The following CCNB3 variants were observed in gnomAD, a reference collection of about 807,000 sequenced individuals.
CCNB3 encodes the protein cyclin B3, also known as G2/mitotic-specific cyclin-B3.
CCNB3 carries 12 observed loss-of-function variants against 68.0 expected under a neutral mutation model. The ratio of observed to expected loss-of-function variants is 0.18; its 90% CI spans 0.11 to 0.29. CCNB3 has a LOEUF of 0.29. Ranked by LOEUF, CCNB3 falls within the 10% of genes least tolerant of loss-of-function variation. CCNB3 has a pLI of 1.00. For synonymous variants in CCNB3, 354 were observed against 388.9 expected, an observed-to-expected ratio of 0.91 and a Z score of 1.06; for missense variants, 904 against 993.1, an observed-to-expected ratio of 0.91 and a Z score of 1.21.
Position 50,310,795 on chromosome X carries a change from C to G in CCNB3, c.2626C>G (p.Arg876Gly). 8.3e-7 allele frequency: 1 copy of G among 1,210,524 alleles called. No individual in the cohort carries two copies. The highest frequency in any genetic ancestry group is 1.1e-6 in the Non-Finnish European group (1 of 895,104). ...PSIEQEALFK[R>G]HSALWEKPST... ...CATTGAGCAGGAGGCCCTCTTTAAG[C>G]GACACTCAGCTTTGTGGGAGAAGCC... The change falls in exon 6 of 13, where the codon CGA becomes GGA. Residue 876 changes from arginine (R) to glycine (G), a missense_variant. Coordinates refer to ENST00000376042, the MANE Select transcript of CCNB3 (RefSeq NM_033031.3).
intron 8 of CCNB3, among the ~76,000 whole-genome samples, chrX:50,339,384 G>A (rs1923011918): frequency 8.9e-6 from 1 of 112,499 alleles, no homozygotes; most frequent in Non-Finnish European, 1.9e-5. Context: ...CAAAGGAACC[G>A]ATCAGATATG....
rs1557214910 is a variant in CCNB3, at chrX:50,311,257, C to T, written c.3088C>T (p.Pro1030Ser). 3.3e-6 allele frequency: 4 copies of T among 1,210,739 alleles called. No homozygotes were observed. The highest frequency in any genetic ancestry group is 3.4e-6 in the Non-Finnish European group (3 of 895,132). Reference protein sequence around the residue: ...TTGKELSFKEPLALQESPTCK... With the variant: ...TTGKELSFKESLALQESPTCK... ...TGGGAAGGAGTTGTCCTTCAAGGAGCCATTGGCCTTACAAGAGAGTCCCAC... is the reference window on the plus strand; with the variant it reads ...TGGGAAGGAGTTGTCCTTCAAGGAGTCATTGGCCTTACAAGAGAGTCCCAC... The change falls in exon 6 of 13, where the codon CCA (proline) becomes TCA (serine). Residue 1030 changes from proline (P) to serine (S), a missense_variant. By Grantham distance (74) the Pro-to-Ser change is moderately conservative. This residue lies in a region of CCNB3 where 285 missense variants were observed against 383.4 expected (regional missense o/e 0.74). Transcript: ENST00000376042.
chrX:50,279,000 A>G (rs1217702210), intron 1 of CCNB3, among the ~76,000 whole-genome samples: 2 of 42,116 alleles, frequency 4.7e-5, no homozygotes, highest in Non-Finnish European at 7.6e-5. Context: ...AAATACATAT[A>G]GAATATATAT....
chrX:50,281,081 G>C (rs1936128196), intron 1 of CCNB3, among the ~76,000 whole-genome samples: 1 of 110,772 alleles, frequency 9.0e-6, no homozygotes, highest in Non-Finnish European at 1.9e-5. Context: ...TCTTTAAAGA[G>C]ACCCGATACT....
chrX:50,340,163 C>G (rs1217169369), intron 8 of CCNB3, among the ~76,000 whole-genome samples: 1 of 112,120 alleles, frequency 8.9e-6, no homozygotes, highest in Admixed American at 9.4e-5. Flanking sequence ...ATCAATTTCT[C>G]CAGTGCTTCT....
intron 6 of CCNB3, among the ~76,000 whole-genome samples, chrX:50,312,003 G>A (rs1408852474): frequency 5.4e-5 from 6 of 110,354 alleles, no homozygotes; most frequent in African/African-American, 2.0e-4. Flanking sequence ...TTTGCATCAC[G>A]GTGGGCTTTG....
At chrX:50,226,268 A>AT (rs1333882594) in intron 1 of CCNB3, among the ~76,000 whole-genome samples, 2 of 67,543 alleles carry the variant, frequency 3.0e-5, no homozygotes, top group Non-Finnish European at 4.9e-5. Flanking sequence ...TTATATATAT[A>AT]GAATATATAT....
At chrX:50,318,783 G>A (rs1921872835) in intron 8 of CCNB3, among the ~76,000 whole-genome samples, 1 of 111,478 alleles carries the variant, frequency 9.0e-6, no homozygotes, top group South Asian at 3.8e-4. Flanking sequence ...AAACTTCCCC[G>A]AATGTTAATT....
rs782303095 is a variant in CCNB3 at position 50,311,100 on chromosome X, G to A, written c.2931G>A (p.Val977=). 8.3e-7 allele frequency: 1 copy of A among 1,209,840 alleles called. No homozygotes were observed. Among genetic ancestry groups the A allele is most frequent in the Non-Finnish European group, 1.1e-6 (1 of 895,191 alleles). The change falls in exon 6 of 13, where the codon GTG becomes GTA. Residue 977 remains valine (V), a synonymous_variant. Coordinates refer to ENST00000376042, the MANE Select transcript of CCNB3 (RefSeq NM_033031.3). ...LVPQVGTSPN[V]SSTAPESITS... is the part of the protein sequence containing the mutation. ...CCCAAGTTGGAACCAGCCCAAATGT[G>A]TCTAGCACTGCCCCTGAATCCATAA...
chrX:50,222,447 G>A (rs1349090445), intron 1 of CCNB3, among the ~76,000 whole-genome samples: 3 of 111,417 alleles, frequency 2.7e-5, no homozygotes, highest in African/African-American at 9.8e-5. Context: ...AGGAGCTCTT[G>A]TAAGGCAGGC....
At chrX:50,333,408 C>T (rs899792021) in intron 8 of CCNB3, among the ~76,000 whole-genome samples, 2 of 111,844 alleles carry the variant, frequency 1.8e-5, no homozygotes, top group African/African-American at 6.5e-5. Flanking sequence ...CAAAAGGAGC[C>T]GCTCCATAAG....
intron 8 of CCNB3, among the ~76,000 whole-genome samples, chrX:50,328,633 T>A (rs1922420662): frequency 9.0e-6 from 1 of 111,504 alleles, no homozygotes; most frequent in Non-Finnish European, 1.9e-5. Flanking sequence ...ATTTCACCCC[T>A]GGCCCCTCAA....
intron 8 of CCNB3, 63 bp from the exon 9 acceptor site, chrX:50,342,139 T>C: frequency 8.4e-7 from 1 of 1,187,638 alleles, no homozygotes; most frequent in Non-Finnish European, 1.1e-6. Context: ...TAGCTAGATC[T>C]GTCTGGAGGC....
At chrX:50,279,104 C>T (rs1362387306) in intron 1 of CCNB3, among the ~76,000 whole-genome samples, 29 of 46,404 alleles carry the variant, frequency 6.2e-4, no homozygotes, top group Non-Finnish European at 9.2e-4. Flanking sequence ...ATATATATTC[C>T]ATATATAAAT....
Position 50,223,233 on chromosome X carries a change from G to A in CCNB3, c.-113+18283G>A, listed in dbSNP as rs1187490978. ...ATGCTCCTTTAGCTCGGAGGAGTTT[G>A]TTATTACCCACCTTCTGAAGCCTAC... On this transcript the variant is annotated intron_variant, in intron 1 of 12. Transcript: ENST00000376042. Among the ~76,000 whole-genome samples, 4 of 110,889 alleles carry A rather than the reference G, an allele frequency of 3.6e-5. No homozygotes were observed. The East Asian group carries it at 8.5e-4, about 24-fold the overall frequency.
intron 5 of CCNB3, among the ~76,000 whole-genome samples, chrX:50,303,590 A>G (rs1244659356): frequency 9.0e-6 from 1 of 110,669 alleles, no homozygotes; most frequent in Non-Finnish European, 1.9e-5. Context: ...CTTTGGAGGA[A>G]TGTCTGTTTG....
At position 50,310,322 on chromosome X, in the gene CCNB3, C is replaced by T. The variant is rs782497489; in HGVS notation, c.2153C>T (p.Thr718Ile). Residue 718 changes from threonine (T) to isoleucine (I), a missense_variant, in exon 6 of 13, where the codon ACC becomes ATC. Thr to Ile is a moderately conservative substitution (Grantham distance 89). Around this residue, in one of 2 missense-constraint regions of CCNB3, gnomAD observed 619 missense variants for 609.8 expected, o/e 1.02. Coordinates refer to ENST00000376042, the MANE Select transcript of CCNB3 (RefSeq NM_033031.3). Reference sequence around the variant, plus strand: ...TTGTTGGCTTTGCAGGAGAAAAGCACCATGGAAGAAGAGTCCCTTATCAAT... The same window carrying T: ...TTGTTGGCTTTGCAGGAGAAAAGCATCATGGAAGAAGAGTCCCTTATCAAT... ...KNLLALQEKS[T>I]MEEESLINKL... 1 of 1,211,476 alleles carries T rather than the reference C, an allele frequency of 8.3e-7. No homozygotes were observed. Among genetic ancestry groups the T allele is most frequent in the Admixed American group, 2.2e-5 (1 of 46,048 alleles).
intron 4 of CCNB3, 27 bp from the exon 5 acceptor site, chrX:50,294,836 C>G (rs782787092): frequency 8.5e-7 from 1 of 1,176,772 alleles, no homozygotes; most frequent in Admixed American, 2.5e-5. Context: ...TCTTCCCCTG[C>G]CCCCCAACCC....
rs782140971 is a variant in CCNB3, at chrX:50,311,394, C to A, written c.3225C>A (p.Thr1075=). Residue 1075 remains threonine, a synonymous_variant, in exon 6 of 13, where the codon ACC becomes ACA. Transcript: ENST00000376042. Reference sequence around the variant, plus strand: ...TAACAGAGAAGTCCAGCATTGCAACCATGACCAGCGTGGGCAAGTCCAGGA... The same window carrying A: ...TAACAGAGAAGTCCAGCATTGCAACAATGACCAGCGTGGGCAAGTCCAGGA... ...ESITEKSSIA[T]MTSVGKSRTT... 8 of 1,208,787 alleles carry A rather than the reference C, an allele frequency of 6.6e-6. No homozygotes were observed. In the African/African-American group the frequency reaches 1.4e-4, roughly 21 times the overall value.
Sources: gnomAD v4.1 joint callset for allele counts (sites outside exome capture counted in the v4.1 genomes callset) on GRCh38, gnomAD v4.1.1 for gene constraint, gnomAD v4.1.1 regional missense constraint, MANE v1.5 for transcripts, NCBI Gene and HGNC (gene_info 2026-07-23, HGNC 2026-07-21) for gene names.